PRTFDC1: variants seen among roughly 807,000 people sequenced by gnomAD.
PRTFDC1 encodes the protein phosphoribosyl transferase domain containing 1.
PRTFDC1 carries 38 observed loss-of-function variants against 34.6 expected under a neutral mutation model. The observed-to-expected ratio is 1.10, with a 90% CI of 0.85 to 1.44. PRTFDC1 has a LOEUF of 1.44. Ranked by LOEUF, PRTFDC1 falls within the 40% of genes most tolerant of loss-of-function variation. PRTFDC1 has a pLI of 0.00. For missense variants in PRTFDC1, 270 were observed against 283.0 expected (o/e 0.95, Z 0.33); for synonymous variants, 93 against 98.1 (o/e 0.95, Z 0.31).
intron 3 of PRTFDC1, among the ~76,000 whole-genome samples, chr10:24,909,202 G>A (rs1423894097): frequency 6.6e-6 from 1 of 152,138 alleles, no homozygotes; most frequent in African/African-American, 2.4e-5. Context: ...GATTGCCTGA[G>A]TACAGCAATT....
At chr10:24,860,712 C>G (rs1447744287) in intron 4 of PRTFDC1, among the ~76,000 whole-genome samples, 1 of 152,100 alleles carries the variant, frequency 6.6e-6, no homozygotes, top group Non-Finnish European at 1.5e-5. Context: ...GTATTGAAAC[C>G]CCTTCTCTAA....
chr10:24,857,878 A>G (rs550030655), intron 5 of PRTFDC1, among the ~76,000 whole-genome samples: 1 of 152,276 alleles, frequency 6.6e-6, no homozygotes, highest in African/African-American at 2.4e-5. Flanking sequence ...TTTTTTTAAC[A>G]GAAAAACAAA....
intron 1 of PRTFDC1, among the ~76,000 whole-genome samples, chr10:24,949,063 C>T (rs757557293): frequency 2.4e-4 from 37 of 152,160 alleles, no homozygotes; most frequent in Middle Eastern, 3.2e-3. Flanking sequence ...CAGATTTGTG[C>T]TCAAGAAATG....
chr10:24,879,747 C>A (rs2484651), intron 3 of PRTFDC1, among the ~76,000 whole-genome samples: 151,162 of 152,348 alleles, frequency 0.99, 75,027 homozygotes, highest in Middle Eastern at 1. Flanking sequence ...AAGTAACTGT[C>A]GTTTTTGCCT....
At chr10:24,856,866 C>T (rs1847586303) in intron 6 of PRTFDC1, 47 bp downstream of exon 6, 1 of 1,501,370 alleles carries the variant, frequency 6.7e-7, no homozygotes, top group African/African-American at 1.4e-5. Context: ...CCCTTTTGGG[C>T]TTGCTTGGAA....
At chr10:24,869,721 C>T (rs776982168) in intron 4 of PRTFDC1, among the ~76,000 whole-genome samples, 19 of 152,188 alleles carry the variant, frequency 1.2e-4, no homozygotes, top group Non-Finnish European at 2.5e-4. Context: ...CCTCAGTCCC[C>T]GTTGAATCTC....
chr10:24,866,410 G>C (rs116438400), intron 4 of PRTFDC1, among the ~76,000 whole-genome samples: 1 of 151,152 alleles, frequency 6.6e-6, no homozygotes, highest in East Asian at 1.9e-4. Context: ...GGGCAGGTTT[G>C]GGGGGCATGT....
intron 3 of PRTFDC1, among the ~76,000 whole-genome samples, chr10:24,874,088 T>A (rs1847922307): frequency 6.6e-6 from 1 of 151,432 alleles, no homozygotes; most frequent in Admixed American, 6.6e-5. Flanking sequence ...TATTTTTACT[T>A]CTGCTTGGTA....
intron 3 of PRTFDC1, among the ~76,000 whole-genome samples, chr10:24,912,551 G>A (rs1413726570): frequency 6.6e-6 from 1 of 151,938 alleles, no homozygotes; most frequent in Non-Finnish European, 1.5e-5. Flanking sequence ...TTGGTAGAGT[G>A]TCATTCAAAT....
chr10:24,852,588 G>A (rs770323302), intron 7 of PRTFDC1, among the ~76,000 whole-genome samples: 4 of 152,146 alleles, frequency 2.6e-5, no homozygotes, highest in South Asian at 2.1e-4. Context: ...GCAAAACTAC[G>A]CCTGGCTAAT....
chr10:24,851,605 A>G (rs2132484203), intron 7 of PRTFDC1, 141 bp from the exon 8 acceptor site: 2 of 1,366,820 alleles, frequency 1.5e-6, no homozygotes, highest in East Asian at 4.9e-5. Flanking sequence ...TGAGAAATGC[A>G]CACGATGAGC....
intron 1 of PRTFDC1, among the ~76,000 whole-genome samples, chr10:24,946,588 T>C (rs985953287): frequency 7.9e-5 from 12 of 152,124 alleles, no homozygotes; most frequent in African/African-American, 2.9e-4. Flanking sequence ...CCATGAGACC[T>C]TGGGCATATT....
In PRTFDC1 at chr10:24,903,200, G is replaced by T. The variant is rs78957058; in HGVS notation, c.340-31137C>A. Among the ~76,000 whole-genome samples, 91 of 152,230 alleles carry T rather than the reference G, an allele frequency of 6.0e-4. 1 individual carries two copies. The East Asian group carries it at 0.017, about 28-fold the overall frequency. The stretch of plus-strand genomic sequence containing the variant: ...CAGCCTGGGTGACAGGAGTGAAACT[G>T]CATCTCAAGAAAAAAAGTAAGAAAA... On this transcript the variant is annotated intron_variant, in intron 3 of 8. Transcript: ENST00000320152.
At chr10:24,896,435 C>T (rs528389659) in intron 3 of PRTFDC1, among the ~76,000 whole-genome samples, 12 of 152,256 alleles carry the variant, frequency 7.9e-5, no homozygotes, top group African/African-American at 2.6e-4. Context: ...ACAAAAAGGT[C>T]GGGGACTGCT....
intron 3 of PRTFDC1, among the ~76,000 whole-genome samples, chr10:24,933,362 T>C (rs1286014785): frequency 1.3e-5 from 2 of 151,974 alleles, no homozygotes; most frequent in African/African-American, 4.8e-5. Context: ...AAAAAATTCA[T>C]GGCCAATATA....
Position 24,890,750 on chromosome 10 carries a change from A to T in PRTFDC1, c.340-18687T>A, listed in dbSNP as rs144686898. Among the ~76,000 whole-genome samples the T allele has an allele frequency of 1.9e-3, 292 of 152,352 alleles. 1 individual carries two copies. Among genetic ancestry groups the T allele is most frequent in the African/African-American group, 6.6e-3 (275 of 41,588 alleles). On this transcript the variant is annotated intron_variant, in intron 3 of 8. Coordinates refer to ENST00000320152, the MANE Select transcript of PRTFDC1 (RefSeq NM_020200.7). ...CTGGGAGGAGTTAAAGGCCAGAAGC[A>T]GGTTATATTCAGAACTGTTCAGGGT...
intron 2 of PRTFDC1, 23 bp from the exon 3 acceptor site, chr10:24,937,390 A>G (rs1350161408): frequency 1.3e-6 from 2 of 1,587,914 alleles, no homozygotes; most frequent in Non-Finnish European, 1.7e-6. Flanking sequence ...TAAAAGATAT[A>G]TTAAGGCACA....
At chr10:24,890,113 T>C (rs982332285) in intron 3 of PRTFDC1, among the ~76,000 whole-genome samples, 2 of 152,308 alleles carry the variant, frequency 1.3e-5, no homozygotes, top group Admixed American at 1.3e-4. Context: ...CCTAAGGAAA[T>C]GAGACTCTGC....
intron 3 of PRTFDC1, among the ~76,000 whole-genome samples, chr10:24,876,763 G>T (rs750028956): frequency 1.3e-5 from 2 of 151,692 alleles, no homozygotes; most frequent in Non-Finnish European, 2.9e-5. Flanking sequence ...TGCCCAGGCT[G>T]GTCTCGAACT....
Sources: gnomAD v4.1 joint callset for allele counts (sites outside exome capture counted in the v4.1 genomes callset) on GRCh38, gnomAD v4.1.1 for gene constraint, MANE v1.5 for transcripts, NCBI Gene and HGNC (gene_info 2026-07-23, HGNC 2026-07-21) for gene names.